Variants in CACNA1C observed in about 807,000 individuals in gnomAD.
CACNA1C encodes the protein calcium voltage-gated channel subunit alpha1 C.
CACNA1C carries 30 observed loss-of-function variants against 229.0 expected under a neutral mutation model. The observed-to-expected ratio is 0.13, with a 90% CI of 0.10 to 0.18. CACNA1C has a LOEUF of 0.18. CACNA1C is among the 10% of genes least tolerant of loss of function. CACNA1C has a pLI of 1.00. For missense variants in CACNA1C, 1,658 were observed against 2,845.0 expected (o/e 0.58, Z 9.49); for synonymous variants, 1,114 against 1,132.5 (o/e 0.98, Z 0.33).
intron 3 of CACNA1C, among the ~76,000 whole-genome samples, chr12:2,136,365 G>T (rs1412266519): frequency 1.3e-5 from 2 of 151,358 alleles, no homozygotes; most frequent in Admixed American, 6.6e-5. Flanking sequence ...TGAGGAAGGG[G>T]CACAGGGCAA....
At chr12:2,537,713 A>C (rs2154587158) in intron 9 of CACNA1C, among the ~76,000 whole-genome samples, 1 of 152,342 alleles carries the variant, frequency 6.6e-6, no homozygotes, top group Middle Eastern at 3.4e-3. Context: ...AGTGCTCTAG[A>C]GAAAGACCAC....
At chr12:2,411,314 G>A (rs2098804977) in intron 3 of CACNA1C, among the ~76,000 whole-genome samples, 1 of 152,180 alleles carries the variant, frequency 6.6e-6, no homozygotes, top group Non-Finnish European at 1.5e-5. Flanking sequence ...CTCAGTCACG[G>A]GCAGAGTCAG....
At chr12:2,351,445 TC>T (rs1454760269) in intron 3 of CACNA1C, among the ~76,000 whole-genome samples, 1 of 152,152 alleles carries the variant, frequency 6.6e-6, no homozygotes, top group Non-Finnish European at 1.5e-5. Flanking sequence ...AAGGCAGCGG[TC>T]CCCAAGGCCA....
chr12:2,687,339 T>G (rs1447035348), intron 45 of CACNA1C, among the ~76,000 whole-genome samples: 1 of 152,162 alleles, frequency 6.6e-6, no homozygotes, highest in Non-Finnish European at 1.5e-5. Context: ...CTTCATCTCT[T>G]TCTCCTCCTG....
At chr12:2,641,623 T>C in intron 30 of CACNA1C, 1 of 666,184 alleles carries the variant, frequency 1.5e-6, no homozygotes, top group Non-Finnish European at 2.7e-6. Context: ...AGATGCCTTG[T>C]TTCAAAATGA....
In CACNA1C at chr12:2,651,801, A is replaced by T; in HGVS notation, c.4074+33A>T. On this transcript the variant is annotated intron_variant, in intron 32 of 46. Transcript: ENST00000399655. This position sits in a 1 kb window ranked among gnomAD's most constrained non-coding sequence, Gnocchi z 5.4. ...CCCCTCATGTCCTGCGGCCCGGGGAATCGCAGGGCTGCCGCGTGGCCCAGA... is the reference window on the plus strand; with the variant it reads ...CCCCTCATGTCCTGCGGCCCGGGGATTCGCAGGGCTGCCGCGTGGCCCAGA... 1 of 1,434,472 alleles carries T rather than the reference A, an allele frequency of 7.0e-7. No individual in the cohort carries two copies. Among genetic ancestry groups the T allele is most frequent in the Non-Finnish European group, 9.2e-7 (1 of 1,084,506 alleles). 88.9% of individuals were successfully genotyped at this position (1,434,472 alleles called of 1,614,324 possible).
intron 5 of CACNA1C, among the ~76,000 whole-genome samples, chr12:2,470,053 A>G (rs1289420259): frequency 6.6e-6 from 1 of 152,218 alleles, no homozygotes; most frequent in Admixed American, 6.5e-5. Context: ...TTCTTTTTTA[A>G]CCACTAATTC....
At chr12:2,184,054 C>T (rs1450488751) in intron 3 of CACNA1C, among the ~76,000 whole-genome samples, 1 of 152,182 alleles carries the variant, frequency 6.6e-6, no homozygotes, top group Non-Finnish European at 1.5e-5. Context: ...TCTTTTTCTG[C>T]AGGAATCTCC....
intron 3 of CACNA1C, among the ~76,000 whole-genome samples, chr12:2,199,514 TATATA>T (rs1367002328): frequency 6.6e-6 from 1 of 152,220 alleles, no homozygotes; most frequent in Non-Finnish European, 1.5e-5. Flanking sequence ...ATATATAACA[TATATA>T]ATATGTGTTC....
chr12:2,289,041 T>A (rs375471484), intron 3 of CACNA1C: 1 of 152,238 alleles, frequency 6.6e-6, no homozygotes, highest in African/African-American at 2.4e-5. Context: ...TAGGGCTTCA[T>A]TGAAATCGGA....
At chr12:2,405,660 T>G (rs1243446028) in intron 3 of CACNA1C, among the ~76,000 whole-genome samples, 1 of 152,196 alleles carries the variant, frequency 6.6e-6, no homozygotes, top group Non-Finnish European at 1.5e-5. Flanking sequence ...TGGTACTACT[T>G]TTTTCCAGCC....
intron 1 of CACNA1C, among the ~76,000 whole-genome samples, chr12:2,009,662 T>C (rs1314770715): frequency 6.6e-6 from 1 of 152,202 alleles, no homozygotes; most frequent in African/African-American, 2.4e-5. Flanking sequence ...TGCTAGGAAT[T>C]TTATTCCAAA....
At chr12:2,416,148 A>G (rs1469914171) in intron 3 of CACNA1C, among the ~76,000 whole-genome samples, 5 of 152,034 alleles carry the variant, frequency 3.3e-5, no homozygotes, top group Admixed American at 6.6e-5. Context: ...TTTTCCTTTG[A>G]CAGCTCATCG....
At chr12:2,196,715 G>A (rs1433128349) in intron 3 of CACNA1C, among the ~76,000 whole-genome samples, 1 of 152,218 alleles carries the variant, frequency 6.6e-6, no homozygotes, top group East Asian at 1.9e-4. Flanking sequence ...AAAGACGGTT[G>A]CTTTATGCAT....
rs1339973881 is a variant in CACNA1C, at chr12:2,651,920, C to T, written c.4074+152C>T. On this transcript the variant is annotated intron_variant, in intron 32 of 46. Transcript: ENST00000399655. The surrounding 1 kb of genome is among the most constrained non-coding windows in gnomAD (Gnocchi z 5.4). The stretch of plus-strand genomic sequence containing the variant: ...GCCGCTCTGCCTGGCTCCCTGTTTC[C>T]GCACCGAGAGGCCTAGACGAAGCAT... Among the ~76,000 whole-genome samples the T allele has an allele frequency of 1.3e-5, 2 of 151,936 alleles. No individual in the cohort carries two copies. The highest frequency in any genetic ancestry group is 3.9e-4 in the East Asian group (2 of 5,166).
intron 43 of CACNA1C, among the ~76,000 whole-genome samples, chr12:2,683,447 T>G (rs1356354923): frequency 3.3e-5 from 5 of 152,226 alleles, no homozygotes; most frequent in Non-Finnish European, 7.3e-5. Context: ...CCGAAGCTTT[T>G]CTGGCTCTTT....
intron 3 of CACNA1C, among the ~76,000 whole-genome samples, chr12:2,240,305 C>T (rs2069390358): frequency 6.6e-6 from 1 of 152,184 alleles, no homozygotes; most frequent in African/African-American, 2.4e-5. Flanking sequence ...CAGACATTTC[C>T]CCCTATTTAG....
At chr12:2,625,095 C>T (rs1230766497) in intron 29 of CACNA1C, among the ~76,000 whole-genome samples, 1 of 151,692 alleles carries the variant, frequency 6.6e-6, no homozygotes, top group East Asian at 1.9e-4. Context: ...TTCCCCCGCT[C>T]CCCCCGCCCC....
chr12:2,673,564 G>A lies in CACNA1C; in HGVS notation c.4727-977G>A, dbSNP rs368775456. ...GCTGGGCTTTCATAAGGCAAATCCA[G>A]GATATTGATCAGGCCATGGTCTCTT... On this transcript the variant is annotated intron_variant, in intron 38 of 46. Transcript: ENST00000399655. 1.1e-4 allele frequency among the ~76,000 whole-genome samples: 16 copies of A among 152,224 alleles called. No individual in the cohort carries two copies. The East Asian group carries it at 2.5e-3, about 24-fold the overall frequency.
Sources: gnomAD v4.1 joint callset for allele counts (sites outside exome capture counted in the v4.1 genomes callset) on GRCh38, gnomAD v4.1.1 for gene constraint, Gnocchi (gnomAD v3.1) non-coding constraint, MANE v1.5 for transcripts, NCBI Gene and HGNC (gene_info 2026-07-23, HGNC 2026-07-21) for gene names.